Variants in MALRD1 observed in about 807,000 individuals in gnomAD.
The protein encoded by MALRD1 is MAM and LDL-receptor class A domain-containing protein 1.
A neutral mutation model predicts 242.1 loss-of-function variants in MALRD1; 247 were observed. The observed-to-expected ratio is 1.02, with a 90% confidence interval of 0.92 to 1.13. MALRD1 has a LOEUF of 1.13. Among genes scored for constraint, MALRD1 ranks in the 50% most tolerant of loss-of-function variants. The pLI is 0.00. For synonymous variants in MALRD1, 995 were observed against 866.6 expected (o/e 1.15, Z -2.60); for missense variants, 2,989 against 2,533.1 (o/e 1.18, Z -3.86).
At chr10:19,147,167 A>G (rs11008673) in intron 11 of MALRD1, among the ~76,000 whole-genome samples, 11,917 of 152,262 alleles carry the variant, frequency 0.078, 569 homozygotes, top group Non-Finnish European at 0.11. Context: ...AAACCTTACA[A>G]TAGCACAATT....
In MALRD1 at chr10:19,648,741, A is replaced by G. The variant is rs184305410; in HGVS notation, c.6137+32818A>G. 9.3e-4 allele frequency among the ~76,000 whole-genome samples: 142 copies of G among 152,276 alleles called. 1 individual carries two copies. Among genetic ancestry groups the G allele is most frequent in the Admixed American group, 1.3e-3 (20 of 15,290 alleles). On this transcript the variant is annotated intron_variant, in intron 36 of 39. Transcript: ENST00000454679. ...CCATCTATTTTGTATATATGCTAAA[A>G]CAATTTTTTAAACTTATAGTTTTGG...
At chr10:19,293,499 C>T (rs925464902) in intron 21 of MALRD1, among the ~76,000 whole-genome samples, 8 of 152,054 alleles carry the variant, frequency 5.3e-5, no homozygotes, top group East Asian at 1.9e-4. Context: ...ATTTGTTGTG[C>T]GCAAGTAAAT....
intron 36 of MALRD1, among the ~76,000 whole-genome samples, chr10:19,635,736 A>C (rs1840099465): frequency 6.6e-6 from 1 of 152,182 alleles, no homozygotes. Context: ...TATTTGCATA[A>C]ATTTGCATAA....
At chr10:19,374,303 G>A (rs1032037493) in intron 26 of MALRD1, among the ~76,000 whole-genome samples, 3 of 152,086 alleles carry the variant, frequency 2.0e-5, no homozygotes, top group Non-Finnish European at 2.9e-5. Context: ...GCAGTATGCA[G>A]CTCAGATTTC....
intron 38 of MALRD1, among the ~76,000 whole-genome samples, chr10:19,696,811 G>T (rs1216848210): frequency 2.6e-5 from 4 of 152,066 alleles, no homozygotes; most frequent in South Asian, 2.1e-4. Flanking sequence ...AGCTGCTTGG[G>T]AGAGTGAGAC....
chr10:19,272,005 T>G (rs555107795), intron 19 of MALRD1, among the ~76,000 whole-genome samples: 21 of 152,090 alleles, frequency 1.4e-4, no homozygotes, highest in Non-Finnish European at 1.6e-4. Flanking sequence ...TAATAAAAAT[T>G]TATACATTTC....
At chr10:19,279,430 A>T (rs941267129) in intron 19 of MALRD1, among the ~76,000 whole-genome samples, 4 of 152,168 alleles carry the variant, frequency 2.6e-5, no homozygotes, top group Non-Finnish European at 5.9e-5. Flanking sequence ...GATTCCCTGC[A>T]TCTACCACGT....
intron 29 of MALRD1, among the ~76,000 whole-genome samples, chr10:19,484,056 A>G (rs1216410107): frequency 6.6e-6 from 1 of 152,192 alleles, no homozygotes; most frequent in Non-Finnish European, 1.5e-5. Context: ...CTCACTTAAC[A>G]TGAGGCCTAA....
At chr10:19,230,405 G>A (rs1344629765) in intron 18 of MALRD1, among the ~76,000 whole-genome samples, 2 of 152,116 alleles carry the variant, frequency 1.3e-5, no homozygotes, top group Admixed American at 1.3e-4. Flanking sequence ...GCCTCAGGAA[G>A]CTTCCAATCA....
chr10:19,562,730 G>A (rs970617463), intron 32 of MALRD1, among the ~76,000 whole-genome samples: 2 of 152,148 alleles, frequency 1.3e-5, no homozygotes, highest in African/African-American at 2.4e-5. Context: ...GCAGGTGAGC[G>A]AGCATTAACT....
chr10:19,620,043 T>C (rs1839334270), intron 36 of MALRD1, among the ~76,000 whole-genome samples: 1 of 151,522 alleles, frequency 6.6e-6, no homozygotes, highest in Non-Finnish European at 1.5e-5. Context: ...ATATATTGTT[T>C]ATATTTTGTG....
intron 24 of MALRD1, among the ~76,000 whole-genome samples, chr10:19,334,266 G>C (rs529783673): frequency 1.1e-4 from 16 of 150,486 alleles, no homozygotes; most frequent in African/African-American, 3.9e-4. Flanking sequence ...AGTTTCCTTG[G>C]TTTTCTTCTT....
intron 25 of MALRD1, among the ~76,000 whole-genome samples, chr10:19,351,025 G>T (rs1414014117): frequency 6.6e-6 from 1 of 152,200 alleles, no homozygotes; most frequent in Admixed American, 6.5e-5. Flanking sequence ...GATTTCATCA[G>T]TTGGGAGATG....
chr10:19,240,827 G>T (rs756962715), intron 18 of MALRD1, among the ~76,000 whole-genome samples: 40 of 152,008 alleles, frequency 2.6e-4, no homozygotes, highest in Non-Finnish European at 4.9e-4. Context: ...TGATCACATG[G>T]TTTTTGTTTT....
chr10:19,718,116 A>AAGAAGAG (rs1834493107), intron 38 of MALRD1, among the ~76,000 whole-genome samples: 2 of 149,538 alleles, frequency 1.3e-5, no homozygotes, highest in African/African-American at 5.1e-5. Context: ...AGGAAGAAGA[A>AAGAAGAG]GAAGAAGAAG....
At chr10:19,658,693 G>T (rs1841286472) in intron 36 of MALRD1, among the ~76,000 whole-genome samples, 1 of 152,100 alleles carries the variant, frequency 6.6e-6, no homozygotes, top group Admixed American at 6.6e-5. Flanking sequence ...TGAACAAGAA[G>T]AACAATTAAG....
chr10:19,362,925 A>G (rs1472363427), intron 26 of MALRD1, among the ~76,000 whole-genome samples: 1 of 152,068 alleles, frequency 6.6e-6, no homozygotes, highest in African/African-American at 2.4e-5. Context: ...GGTGAGAGGT[A>G]AAAAGAGGAA....
intron 10 of MALRD1, among the ~76,000 whole-genome samples, chr10:19,145,958 C>A (rs1833713083): frequency 6.6e-6 from 1 of 152,018 alleles, no homozygotes; most frequent in Non-Finnish European, 1.5e-5. Context: ...ATGGAGATGG[C>A]CAACCAGAAT....
chr10:19,213,820 G>A (rs370478408), intron 18 of MALRD1, among the ~76,000 whole-genome samples: 16 of 152,270 alleles, frequency 1.1e-4, no homozygotes, highest in African/African-American at 3.6e-4. Context: ...TTTAAGTTTA[G>A]TTGGAAAGAG....
Sources: allele counts gnomAD v4.1 joint callset (sites outside exome capture counted in the v4.1 genomes callset), GRCh38; gene constraint gnomAD v4.1.1; transcripts MANE v1.5; gene names NCBI Gene and HGNC (gene_info 2026-07-23, HGNC 2026-07-21).